Variants in TOPAZ1 observed in about 807,000 individuals in gnomAD.
The protein encoded by TOPAZ1 is protein TOPAZ1.
Under a neutral mutation model 172.2 loss-of-function variants are expected in TOPAZ1, and 66 were observed. The ratio of observed to expected loss-of-function variants is 0.38; its 90% CI spans 0.31 to 0.47. TOPAZ1 has a LOEUF of 0.47. Among genes scored for constraint, TOPAZ1 ranks in the 20% least tolerant of loss-of-function variants. The probability of loss-of-function intolerance (pLI) is 0.99; values close to 1 mark genes in which losing one functional copy is unlikely to be tolerated. For missense variants in TOPAZ1, 1,822 were observed against 1,972.4 expected (o/e 0.92, Z 1.44); for synonymous variants, 681 against 683.9 (o/e 1.00, Z 0.07).
chr3:44,299,841 C>G (rs1256206464), intron 12 of TOPAZ1, among the ~76,000 whole-genome samples: 2 of 146,734 alleles, frequency 1.4e-5, no homozygotes, highest in African/African-American at 5.0e-5. Context: ...TCTCAGTAAA[C>G]TATCGCAAGA....
Position 44,241,949 on chromosome 3 carries a change from TG to T in TOPAZ1, c.-102del. 1 of 1,042,958 alleles carries T rather than the reference TG, an allele frequency of 9.6e-7. No individual in the cohort carries two copies. Among genetic ancestry groups the T allele is most frequent in the Non-Finnish European group, 1.4e-6 (1 of 732,874 alleles). 64.6% of individuals were successfully genotyped at this position (1,042,958 alleles called of 1,614,324 possible). A position where few individuals can be genotyped will look rare whatever the true frequency, so the allele number is the denominator to read the frequency against. ...GGCTGTGGTGACTGGCGGTGTGGGG[TG>T]GGTCAGAGGGCAGTAGGTACCTCCA... is the stretch of plus-strand genomic sequence containing the variant. On this transcript the variant is annotated 5_prime_UTR_variant, in exon 1 of 20. Coordinates refer to ENST00000309765, the MANE Select transcript of TOPAZ1 (RefSeq NM_001145030.2).
chr3:44,245,209 C>A lies in TOPAZ1; in HGVS notation c.2703C>A (p.His901Gln), dbSNP rs1193801658. The change falls in exon 2 of 20, where the codon CAC (histidine) becomes CAA (glutamine). Residue 901 changes from histidine to glutamine, a missense_variant. Coordinates refer to ENST00000309765, the MANE Select transcript of TOPAZ1 (RefSeq NM_001145030.2). ...AGGAGCCCAATGTTGCTGGAGAGCA[C>A]CAATCAACAGACTCCAAGTACATGG... ...ISQEPNVAGE[H>Q]QSTDSKYMET... 3.2e-6 allele frequency: 5 copies of A among 1,550,964 alleles called. No homozygotes were observed. The highest frequency in any genetic ancestry group is 2.0e-5 in the Admixed American group (1 of 50,868).
intron 2 of TOPAZ1, among the ~76,000 whole-genome samples, chr3:44,245,530 CT>C (rs531158571): frequency 0.028 from 2,300 of 82,880 alleles, 63 homozygotes; most frequent in African/African-American, 0.083. Flanking sequence ...CATAGAGTGG[CT>C]TTTTTTTTTT....
intron 2 of TOPAZ1, among the ~76,000 whole-genome samples, 162 bp from the exon 3 acceptor site, chr3:44,254,806 A>G (rs989484984): frequency 6.6e-6 from 1 of 152,196 alleles, no homozygotes; most frequent in Non-Finnish European, 1.5e-5. Context: ...AAATCCACTC[A>G]GGTGCACTGG....
rs1367307377 is a variant in TOPAZ1, at chr3:44,245,282, T to G, written c.2765+11T>G. On this transcript the variant is annotated intron_variant, in intron 2 of 19. Transcript: ENST00000309765. Reference sequence around the variant, plus strand: ...AAGTGATGACTTAAGGTATGCATGTTCAAGTATTCCTTTTAGTGCAGATTG... The same window carrying G: ...AAGTGATGACTTAAGGTATGCATGTGCAAGTATTCCTTTTAGTGCAGATTG... The G allele has an allele frequency of 2.0e-6, 3 of 1,512,896 alleles. No homozygotes were observed. The highest frequency in any genetic ancestry group is 2.7e-6 in the Non-Finnish European group (3 of 1,131,270). 93.7% of individuals were successfully genotyped at this position (1,512,896 alleles called of 1,614,324 possible).
chr3:44,246,359 T>C (rs1185446737), intron 2 of TOPAZ1, among the ~76,000 whole-genome samples: 1 of 152,210 alleles, frequency 6.6e-6, no homozygotes, highest in Non-Finnish European at 1.5e-5. Context: ...ATTTTGTGAA[T>C]AGACTCAAAG....
At chr3:44,242,757 TA>T in intron 1 of TOPAZ1, 95 bp from the exon 2 acceptor site, 2 of 1,028,600 alleles carry the variant, frequency 1.9e-6, no homozygotes, top group Non-Finnish European at 1.4e-6. Flanking sequence ...TTCAGGGAAA[TA>T]AAAATGATAG....
Position 44,244,862 on chromosome 3 carries a change from G to T in TOPAZ1, c.2356G>T (p.Val786Phe). ...QGNNSKPSNH[V>F]SEPGNIVSNK... ...TAACAATAGCAAACCATCTAATCAC[G>T]TCTCTGAACCAGGCAATATTGTTTC... The change falls in exon 2 of 20, where the codon GTC becomes TTC. Residue 786 changes from valine to phenylalanine, a missense_variant. This residue lies in a region of TOPAZ1 where 1,489 missense variants were observed against 1,490.8 expected (regional missense o/e 1.00). Coordinates refer to ENST00000309765, the MANE Select transcript of TOPAZ1 (RefSeq NM_001145030.2). 1 of 1,551,630 alleles carries T rather than the reference G, an allele frequency of 6.4e-7. No individual in the cohort carries two copies.
Position 44,321,172 on chromosome 3 carries a change from A to T in TOPAZ1, c.4452A>T (p.Pro1484=). The T allele has an allele frequency of 3.2e-6, 5 of 1,542,730 alleles. No individual in the cohort carries two copies. The highest frequency in any genetic ancestry group is 4.4e-6 in the Non-Finnish European group (5 of 1,144,480). ...RQTFEVLQNL[P]GFQNSQETVE... ...CATTTGAAGTTTTGCAGAATCTACC[A>T]GGTTTTCAAAATTCCCAAGGTATGT... Residue 1484 remains proline (P), a synonymous_variant, in exon 17 of 20, where the codon CCA becomes CCT. Transcript: ENST00000309765.
At chr3:44,286,813 G>A (rs1700085062) in intron 9 of TOPAZ1, among the ~76,000 whole-genome samples, 1 of 152,128 alleles carries the variant, frequency 6.6e-6, no homozygotes, top group African/African-American at 2.4e-5. Context: ...ATGTTACATA[G>A]AAAATTAAGG....
intron 12 of TOPAZ1, among the ~76,000 whole-genome samples, chr3:44,294,594 T>C (rs1700173859): frequency 6.6e-6 from 1 of 152,106 alleles, no homozygotes; most frequent in Non-Finnish European, 1.5e-5. Flanking sequence ...CTCAACCTCT[T>C]GGGCTCAAGA....
intron 4 of TOPAZ1, among the ~76,000 whole-genome samples, chr3:44,260,188 A>G (rs893554362): frequency 6.6e-6 from 1 of 152,154 alleles, no homozygotes; most frequent in Non-Finnish European, 1.5e-5. Context: ...CTCTTTCCTT[A>G]TAAATTACCC....
Position 44,242,239 on chromosome 3 carries a change from G to A in TOPAZ1, c.186G>A (p.Glu62=), listed in dbSNP as rs1171689417. Residue 62 remains glutamate (E), a synonymous_variant, in exon 1 of 20, where the codon GAG becomes GAA. Transcript: ENST00000309765. The part of the protein sequence containing the change: ...MVARATPGRG[E]VESDKSVAAS... ...CCCGGGCCACCCCTGGGAGAGGCGA[G>A]GTGGAAAGTGATAAGTCGGTTGCAG... is the stretch of plus-strand genomic sequence containing the variant. The A allele has an allele frequency of 6.5e-7, 1 of 1,547,510 alleles. No homozygotes were observed.
downstream of TOPAZ1, among the ~76,000 whole-genome samples, chr3:44,335,247 T>G (rs192452676): frequency 2.0e-5 from 3 of 152,300 alleles, no homozygotes; most frequent in African/African-American, 7.2e-5. Context: ...AGGTAATACA[T>G]TTTTGAGGCT....
In TOPAZ1 at chr3:44,243,120, A is replaced by G. The variant is rs1236344263; in HGVS notation, c.614A>G (p.Asn205Ser). ...GAATTCCAAGATGAACTGTACAAGA[A>G]TACTCCAAAATATTCTTGTAATATC... ...KVEFQDELYK[N>S]TPKYSCNILS... The change falls in exon 2 of 20, where the codon AAT becomes AGT. Residue 205 changes from asparagine (N) to serine (S), a missense_variant. By Grantham distance (46) the Asn-to-Ser change is conservative (BLOSUM62 1). Transcript: ENST00000309765. 5 of 1,549,854 alleles carry G rather than the reference A, an allele frequency of 3.2e-6. No homozygotes were observed. In the South Asian group the frequency reaches 6.0e-5, roughly 19 times the overall value.
chr3:44,309,545 T>C (rs988728998), intron 15 of TOPAZ1, among the ~76,000 whole-genome samples: 2 of 152,224 alleles, frequency 1.3e-5, no homozygotes, highest in African/African-American at 4.8e-5. Context: ...AGAAGTACAG[T>C]GTATAAAACA....
In TOPAZ1 at chr3:44,242,071, C is replaced by A. The variant is rs1699483629; in HGVS notation, c.18C>A (p.Pro6=). The A allele has an allele frequency of 6.5e-7, 1 of 1,545,796 alleles. No homozygotes were observed. The highest frequency in any genetic ancestry group is 1.4e-5 in the African/African-American group (1 of 73,058). The change falls in exon 1 of 20, where the codon CCC becomes CCA. Residue 6 remains proline (P), a synonymous_variant. Coordinates refer to ENST00000309765, the MANE Select transcript of TOPAZ1 (RefSeq NM_001145030.2). ...CGGGGCACATGCGACGACCTCCACCCCTGGGCCCCACGACGGCCTCAGGGC... is the reference window on the plus strand; with the variant it reads ...CGGGGCACATGCGACGACCTCCACCACTGGGCCCCACGACGGCCTCAGGGC... MRRPP[P]LGPTTASGPE...
At chr3:44,291,493 C>T (rs1031527660) in intron 12 of TOPAZ1, among the ~76,000 whole-genome samples, 2 of 151,532 alleles carry the variant, frequency 1.3e-5, no homozygotes, top group African/African-American at 2.4e-5. Flanking sequence ...CCCAGTTACT[C>T]AGGAGACTGA....
chr3:44,321,002 A>C (rs562207940), intron 16 of TOPAZ1, 25 bp from the exon 17 acceptor site: 1 of 1,458,828 alleles, frequency 6.9e-7, no homozygotes, highest in Non-Finnish European at 9.3e-7. Flanking sequence ...GGTATAAACT[A>C]TTCATATTTT....
Sources: gnomAD v4.1 joint callset for allele counts (sites outside exome capture counted in the v4.1 genomes callset) on GRCh38, gnomAD v4.1.1 for gene constraint, gnomAD v4.1.1 regional missense constraint, MANE v1.5 for transcripts, NCBI Gene and HGNC (gene_info 2026-07-23, HGNC 2026-07-21) for gene names.